DDX4: variants seen among roughly 807,000 people sequenced by gnomAD.
DDX4 encodes probable ATP-dependent RNA helicase DDX4.
DDX4 carries 25 observed loss-of-function variants against 100.0 expected under a neutral mutation model. The ratio of observed to expected loss-of-function variants is 0.25; its 90% CI spans 0.18 to 0.35. The LOEUF (loss-of-function observed/expected upper bound fraction) is 0.35, where lower values mean the gene tolerates loss of function less well. DDX4 is among the 10% of genes least tolerant of loss of function. The pLI is 1.00. For synonymous variants in DDX4, 259 were observed against 275.7 expected (o/e 0.94, Z 0.60); for missense variants, 635 against 882.4 (o/e 0.72, Z 3.55).
chr5:55,790,560 G>A lies in DDX4; in HGVS notation c.1173-16G>A. The A allele has an allele frequency of 1.3e-6, 2 of 1,537,610 alleles. No homozygotes were observed. The highest frequency in any genetic ancestry group is 1.8e-6 in the Non-Finnish European group (2 of 1,121,574). On this transcript the variant is annotated splice_polypyrimidine_tract_variant and intron_variant, in intron 15 of 21. Transcript: ENST00000505374. The stretch of plus-strand genomic sequence containing the variant: ...TTAAGTAACTAGAAAATAACATTTA[G>A]TTTTCTTGTTAATAGGACTTGTGTA...
intron 17 of DDX4, among the ~76,000 whole-genome samples, chr5:55,796,366 A>G (rs1466828288): frequency 6.6e-6 from 1 of 152,200 alleles, no homozygotes. Context: ...AATATTTCAC[A>G]TCTGTTAGCT....
intron 21 of DDX4, among the ~76,000 whole-genome samples, chr5:55,815,872 A>G (rs1321637881): frequency 6.6e-6 from 1 of 151,096 alleles, no homozygotes; most frequent in Non-Finnish European, 1.5e-5. Context: ...CCCAGGTTCA[A>G]ACAATTCTCA....
At chr5:55,788,097 AT>A in intron 15 of DDX4, 97 bp downstream of exon 15, 1 of 1,010,162 alleles carries the variant, frequency 9.9e-7, no homozygotes, top group Non-Finnish European at 1.4e-6. Flanking sequence ...CACTCATGTA[AT>A]TTTTAGCATT....
At chr5:55,789,761 CTG>C (rs758756207) in intron 15 of DDX4, among the ~76,000 whole-genome samples, 1 of 152,188 alleles carries the variant, frequency 6.6e-6, no homozygotes, top group Non-Finnish European at 1.5e-5. Context: ...ACTTGGGACT[CTG>C]TGTGACTGGA....
chr5:55,760,217 T>C lies in DDX4; in HGVS notation c.145T>C (p.Ser49Pro). 6.4e-7 allele frequency: 1 copy of C among 1,569,070 alleles called. No individual in the cohort carries two copies. The change falls in exon 4 of 22, where the codon TCT becomes CCT. Residue 49 changes from serine to proline, a missense_variant. By Grantham distance (74) the Ser-to-Pro change is moderately conservative. Around this residue, in one of 4 missense-constraint regions of DDX4, gnomAD observed 446 missense variants for 540.8 expected, o/e 0.82. Coordinates refer to ENST00000505374, the MANE Select transcript of DDX4 (RefSeq NM_024415.3). The part of the protein sequence containing the change: ...ASSSEMDDGP[S>P]RRDHFMKSGF... ...TGCTTTAGAAATGGATGATGGACCT[T>C]CTCGAAGAGATCATTTCATGAAAAG... is the stretch of plus-strand genomic sequence containing the variant.
intron 7 of DDX4, among the ~76,000 whole-genome samples, chr5:55,769,622 C>G (rs868171018): frequency 1.3e-5 from 2 of 152,176 alleles, no homozygotes; most frequent in African/African-American, 4.8e-5. Context: ...TTTACAGATC[C>G]AATCTACCAA....
At chr5:55,779,180 A>G (rs994839666) in intron 7 of DDX4, among the ~76,000 whole-genome samples, 3 of 152,156 alleles carry the variant, frequency 2.0e-5, no homozygotes, top group African/African-American at 2.4e-5. Context: ...TTTAACTTAC[A>G]TATGTGTTCT....
chr5:55,767,865 T>G lies in DDX4; in HGVS notation c.335-16T>G, dbSNP rs202158802. On this transcript the variant is annotated splice_polypyrimidine_tract_variant and intron_variant, in intron 6 of 21. Coordinates refer to ENST00000505374, the MANE Select transcript of DDX4 (RefSeq NM_024415.3). ...AGTTAATTAAATGCTATTTACATGT[T>G]AAATTTTTATTGAAGAGTCTAGTAA... 1.2e-6 allele frequency: 2 copies of G among 1,606,110 alleles called. No homozygotes were observed. Among genetic ancestry groups the G allele is most frequent in the Non-Finnish European group, 1.7e-6 (2 of 1,174,632 alleles).
At chr5:55,741,640 T>A (rs1013572214) in intron 2 of DDX4, among the ~76,000 whole-genome samples, 1 of 151,970 alleles carries the variant, frequency 6.6e-6, no homozygotes, top group African/African-American at 2.4e-5. Context: ...ATACAAAAAA[T>A]TAGCTGGGAG....
At chr5:55,782,121 G>A (rs1042886638) in intron 10 of DDX4, 140 bp downstream of exon 10, 46 of 934,952 alleles carry the variant, frequency 4.9e-5, no homozygotes, top group Non-Finnish European at 7.1e-5. Context: ...ACACTGTGAG[G>A]ACCATAAATT....
Position 55,792,792 on chromosome 5 carries a change from CAG to C in DDX4, c.1457_1458del (p.Glu486GlyfsTer27). ...ACCCTTATGTTCAGTGCAACTTTTC[CAG>C]AGGAAATTCAAAGGTTAAGTTTTTT... On this transcript the variant is annotated frameshift_variant, in exon 17 of 22. Transcript: ENST00000505374. LOFTEE classifies it high-confidence loss of function. The C allele has an allele frequency of 7.0e-7, 1 of 1,425,012 alleles. No homozygotes were observed. The highest frequency in any genetic ancestry group is 2.5e-5 in the Admixed American group (1 of 40,470). The allele number at this position is 1,425,012 out of a possible 1,614,324, so 88.3% of individuals were successfully genotyped here. A position where few individuals can be genotyped will look rare whatever the true frequency, so the allele number is the denominator to read the frequency against.
intron 7 of DDX4, among the ~76,000 whole-genome samples, chr5:55,778,959 ATATGTTGCTTAAGGC>A (rs1741740858): frequency 6.6e-6 from 1 of 152,160 alleles, no homozygotes; most frequent in Non-Finnish European, 1.5e-5. Context: ...CATAACACTA[ATATGTTGCTTAAGGC>A]TAAGTACATA....
In DDX4 at chr5:55,740,979, T is replaced by A. The variant is rs569142316; in HGVS notation, c.69+1947T>A. On this transcript the variant is annotated intron_variant, in intron 2 of 21. Transcript: ENST00000505374. ...TTAATTTGGTAATTTTTTTCAAAAATGGAATTACTTGTTCAGAGGACATTT... is the reference window on the plus strand; with the variant it reads ...TTAATTTGGTAATTTTTTTCAAAAAAGGAATTACTTGTTCAGAGGACATTT... Among the ~76,000 whole-genome samples the A allele has an allele frequency of 1.2e-4, 18 of 152,358 alleles. 1 individual carries two copies. The South Asian group carries it at 3.5e-3, about 30-fold the overall frequency.
At chr5:55,790,842 C>A in intron 16 of DDX4, 137 bp downstream of exon 16, 1 of 741,376 alleles carries the variant, frequency 1.3e-6, no homozygotes, top group Non-Finnish European at 2.3e-6. Flanking sequence ...TCTTTGAATG[C>A]ATTCTTATAT....
chr5:55,789,139 G>C (rs1045414978), intron 15 of DDX4, among the ~76,000 whole-genome samples: 1 of 152,182 alleles, frequency 6.6e-6, no homozygotes, highest in Non-Finnish European at 1.5e-5. Flanking sequence ...TTAAAGAGCA[G>C]GAACTTATTT....
intron 2 of DDX4, among the ~76,000 whole-genome samples, chr5:55,742,448 A>G: frequency 6.6e-6 from 1 of 152,198 alleles, no homozygotes. Context: ...CACAATTATA[A>G]TTTTATTAAG....
At chr5:55,789,542 G>A (rs541789996) in intron 15 of DDX4, among the ~76,000 whole-genome samples, 1 of 152,336 alleles carries the variant, frequency 6.6e-6, no homozygotes, top group Admixed American at 6.5e-5. Context: ...TAGCTTTTAT[G>A]AAATAGTCCC....
chr5:55,815,351 C>A lies in DDX4; in HGVS notation c.2025C>A (p.Ala675=). 3.1e-6 allele frequency: 5 copies of A among 1,613,534 alleles called. No homozygotes were observed. The highest frequency in any genetic ancestry group is 4.2e-6 in the Non-Finnish European group (5 of 1,179,916). The change falls in exon 21 of 22, where the codon GCC becomes GCA. Residue 675 remains alanine (A), a synonymous_variant. Transcript: ENST00000505374. ...QDVPAWLEEI[A]FSTYIPGFSG... is the part of the protein sequence containing the mutation. ...TTCCTGCATGGTTGGAAGAAATTGC[C>A]TTTAGTACATACATTCCTGGCTTCA... is the stretch of plus-strand genomic sequence containing the variant.
intron 18 of DDX4, among the ~76,000 whole-genome samples, chr5:55,812,818 C>T (rs888142633): frequency 1.3e-5 from 2 of 151,432 alleles, no homozygotes; most frequent in Non-Finnish European, 2.9e-5. Context: ...GTACTAAATG[C>T]GTAATATTTA....
Sources: gnomAD v4.1 joint callset for allele counts (sites outside exome capture counted in the v4.1 genomes callset) on GRCh38, gnomAD v4.1.1 for gene constraint, gnomAD v4.1.1 regional missense constraint, MANE v1.5 for transcripts, NCBI Gene and HGNC (gene_info 2026-07-23, HGNC 2026-07-21) for gene names.